Variants in MARK3 observed in about 807,000 individuals in gnomAD.
MARK3 encodes MAP/microtubule affinity-regulating kinase 3.
MARK3 carries 46 observed loss-of-function variants against 90.1 expected under a neutral mutation model. The observed-to-expected ratio is 0.51, with a 90% confidence interval of 0.40 to 0.65. MARK3 has a LOEUF of 0.65. Ranked by LOEUF, MARK3 falls within the 30% of genes least tolerant of loss-of-function variation. The probability of loss-of-function intolerance (pLI) is 0.00; values close to 1 mark genes in which losing one functional copy is unlikely to be tolerated. For synonymous variants in MARK3, 321 were observed against 332.6 expected (o/e 0.97, Z 0.38); for missense variants, 818 against 947.2 (o/e 0.86, Z 1.79).
chr14:103,387,354 TG>T (rs2089889264), intron 1 of MARK3, among the ~76,000 whole-genome samples: 2 of 152,236 alleles, frequency 1.3e-5, no homozygotes, highest in African/African-American at 4.8e-5. Flanking sequence ...AGAACAGTGA[TG>T]TACCTTTCTC....
intron 2 of MARK3, among the ~76,000 whole-genome samples, chr14:103,420,597 AGTGTGTAG>A (rs1362843397): frequency 1.3e-5 from 2 of 152,180 alleles, no homozygotes; most frequent in African/African-American, 4.8e-5. Context: ...CCATTTTTTA[AGTGTGTAG>A]TTCAGTGACA....
chr14:103,424,152 G>C (rs1301575934), intron 2 of MARK3, among the ~76,000 whole-genome samples: 3 of 152,068 alleles, frequency 2.0e-5, no homozygotes, highest in East Asian at 1.9e-4. Context: ...GGAGGTTGCA[G>C]TGAGCCAAGA....
chr14:103,435,291 G>A (rs2141128454), intron 3 of MARK3, among the ~76,000 whole-genome samples: 1 of 152,250 alleles, frequency 6.6e-6, no homozygotes, highest in South Asian at 2.1e-4. Flanking sequence ...TCCTATCTTG[G>A]CGGGTCTAGA....
At chr14:103,495,478 C>CA (rs11462384) in intron 15 of MARK3, among the ~76,000 whole-genome samples, 49,303 of 142,560 alleles carry the variant, frequency 0.35, 8,498 homozygotes, top group Middle Eastern at 0.46. Context: ...CACTCCATCT[C>CA]AAAAAAAAAA....
intron 6 of MARK3, among the ~76,000 whole-genome samples, chr14:103,458,961 GA>G (rs1566880574): frequency 6.6e-6 from 1 of 151,708 alleles, no homozygotes; most frequent in Non-Finnish European, 1.5e-5. Context: ...AAAAAAAAAA[GA>G]AATTATTCTT....
intron 1 of MARK3, among the ~76,000 whole-genome samples, chr14:103,387,322 T>C (rs919854058): frequency 1.3e-5 from 2 of 152,204 alleles, no homozygotes; most frequent in African/African-American, 4.8e-5. Context: ...CAATATTTAA[T>C]GCTCTGTGGC....
chr14:103,468,978 C>G (rs921432737), intron 12 of MARK3, among the ~76,000 whole-genome samples: 7 of 151,774 alleles, frequency 4.6e-5, no homozygotes, highest in Non-Finnish European at 1.5e-5. Flanking sequence ...GTCTGTAGTT[C>G]TATTCACTCT....
intron 2 of MARK3, among the ~76,000 whole-genome samples, chr14:103,418,547 G>A (rs1467194578): frequency 6.6e-6 from 1 of 152,098 alleles, no homozygotes; most frequent in Non-Finnish European, 1.5e-5. Context: ...TCTTCTGCCT[G>A]GGAGGAACTG....
intron 3 of MARK3, chr14:103,429,306 C>G (rs943674358): frequency 2.6e-5 from 4 of 152,192 alleles, no homozygotes; most frequent in African/African-American, 9.7e-5. Context: ...GAGCAAGGCA[C>G]TTAACTTTGC....
chr14:103,495,040 C>T (rs1286258511), intron 15 of MARK3, among the ~76,000 whole-genome samples: 2 of 152,066 alleles, frequency 1.3e-5, no homozygotes, highest in Admixed American at 6.5e-5. Flanking sequence ...TATATATACA[C>T]TTATATGTGT....
chr14:103,499,954 AC>A, intron 16 of MARK3: 2 of 593,290 alleles, frequency 3.4e-6, no homozygotes, highest in Admixed American at 2.6e-5. Flanking sequence ...CCCTGTGCAC[AC>A]CCCTGCAGCC....
intron 2 of MARK3, among the ~76,000 whole-genome samples, chr14:103,416,528 C>T (rs1262483046): frequency 3.3e-5 from 5 of 152,096 alleles, no homozygotes; most frequent in Admixed American, 2.6e-4. Context: ...CCCTGCACTT[C>T]GGGAGGCCGA....
At chr14:103,481,541 T>C (rs1304276492) in intron 14 of MARK3, among the ~76,000 whole-genome samples, 5 of 152,154 alleles carry the variant, frequency 3.3e-5, no homozygotes, top group Non-Finnish European at 5.9e-5. Flanking sequence ...CCACTTAGGA[T>C]TGAGTTGATA....
intron 2 of MARK3, among the ~76,000 whole-genome samples, chr14:103,427,266 G>A (rs1269244735): frequency 2.0e-5 from 3 of 151,408 alleles, no homozygotes; most frequent in East Asian, 1.9e-4. Flanking sequence ...TTGGGAGGCC[G>A]AGGCAGGTGG....
intron 14 of MARK3, among the ~76,000 whole-genome samples, chr14:103,487,890 T>C (rs991677197): frequency 6.6e-5 from 10 of 151,544 alleles, no homozygotes; most frequent in Non-Finnish European, 7.4e-5. Context: ...CTACGAAAAA[T>C]ACAAAAAATT....
At chr14:103,397,940 C>T (rs922408164) in intron 1 of MARK3, among the ~76,000 whole-genome samples, 2 of 152,154 alleles carry the variant, frequency 1.3e-5, no homozygotes, top group Admixed American at 6.5e-5. Context: ...CTCCACCCCA[C>T]GTTACTGTTT....
chr14:103,385,940 C>T lies in MARK3; in HGVS notation c.-90C>T. 1.9e-6 allele frequency: 2 copies of T among 1,077,188 alleles called. No homozygotes were observed. Among genetic ancestry groups the T allele is most frequent in the Non-Finnish European group, 2.9e-6 (2 of 693,320 alleles). 66.7% of individuals were successfully genotyped at this position (1,077,188 alleles called of 1,614,324 possible). A position where few individuals can be genotyped will look rare whatever the true frequency, so the allele number is the denominator to read the frequency against. ...TCCCCACGGCGCCTTTTCGGAACTGCCGTGGACTCGAGGACGCTGGTCGCC... is the reference window on the plus strand; with the variant it reads ...TCCCCACGGCGCCTTTTCGGAACTGTCGTGGACTCGAGGACGCTGGTCGCC... On this transcript the variant is annotated 5_prime_UTR_variant, in exon 1 of 18. Coordinates refer to ENST00000429436, the MANE Select transcript of MARK3 (RefSeq NM_001128918.3).
intron 14 of MARK3, among the ~76,000 whole-genome samples, chr14:103,483,962 A>G (rs2093873914): frequency 6.6e-6 from 1 of 152,234 alleles, no homozygotes. Flanking sequence ...AGACAAGGTT[A>G]TGCAGAATTT....
At chr14:103,475,504 AC>A (rs2093699066) in intron 13 of MARK3, among the ~76,000 whole-genome samples, 1 of 152,204 alleles carries the variant, frequency 6.6e-6, no homozygotes, top group Admixed American at 6.5e-5. Flanking sequence ...AGATGAAGGC[AC>A]CAACAAGTTC....
Sources: gnomAD v4.1 joint callset for allele counts (sites outside exome capture counted in the v4.1 genomes callset) on GRCh38, gnomAD v4.1.1 for gene constraint, MANE v1.5 for transcripts, NCBI Gene and HGNC (gene_info 2026-07-23, HGNC 2026-07-21) for gene names.